The following MYO6 variants were observed in gnomAD, a reference collection of about 807,000 sequenced individuals.
MYO6 encodes unconventional myosin-VI.
A neutral mutation model predicts 178.7 loss-of-function variants in MYO6; 74 were observed. That is an observed-to-expected ratio of 0.41 (90% CI 0.34 to 0.50). The LOEUF is 0.50. Ranked by LOEUF, MYO6 falls within the 20% of genes least tolerant of loss-of-function variation. MYO6 has a pLI of 0.09. For missense variants in MYO6, 1,330 were observed against 1,547.4 expected (o/e 0.86, Z 2.36); for synonymous variants, 477 against 504.6 (o/e 0.95, Z 0.73).
At chr6:75,873,153 A>G in intron 19 of MYO6, 54 bp from the exon 20 acceptor site, 1 of 1,388,838 alleles carries the variant, frequency 7.2e-7, no homozygotes, top group Non-Finnish European at 1.0e-6. Flanking sequence ...TCATAGAAAC[A>G]GAAAACTAAG....
chr6:75,787,720 CTCTCTCTCTCTATA>C (rs1176232143), intron 1 of MYO6, among the ~76,000 whole-genome samples: 572 of 34,342 alleles, frequency 0.017, 2 homozygotes, highest in Non-Finnish European at 0.025. Context: ...CTCTCTCTCT[CTCTCTCTCTCTATA>C]TATATATATA....
chr6:75,901,125 T>G, intron 30 of MYO6, among the ~76,000 whole-genome samples: 1 of 152,192 alleles, frequency 6.6e-6, no homozygotes, highest in East Asian at 1.9e-4. Context: ...CATGCTGTTA[T>G]GGTTACTGTA....
At position 75,770,010 on chromosome 6, in the gene MYO6, TCA is replaced by T. The variant is rs148233212; in HGVS notation, c.-48+20590_-48+20591del. 5.9e-4 allele frequency among the ~76,000 whole-genome samples: 90 copies of T among 152,338 alleles called. No individual in the cohort carries two copies. In the East Asian group the frequency reaches 0.016, roughly 27 times the overall value. On this transcript the variant is annotated intron_variant, in intron 1 of 34. Transcript: ENST00000369977. The stretch of plus-strand genomic sequence containing the variant: ...CTTCTGGAGGGCAGTGGCCCCCTTC[TCA>T]CAGCTCCAGTAGGTGGTGCCCTGGT...
intron 1 of MYO6, among the ~76,000 whole-genome samples, chr6:75,807,981 C>T (rs1324014582): frequency 6.6e-6 from 1 of 152,228 alleles, no homozygotes; most frequent in Non-Finnish European, 1.5e-5. Flanking sequence ...CTCTGACGCT[C>T]TTCCATTTTA....
chr6:75,787,726 CTCTCTATATA>C (rs1165016279), intron 1 of MYO6, among the ~76,000 whole-genome samples: 107 of 20,424 alleles, frequency 5.2e-3, no homozygotes, highest in East Asian at 7.5e-3. Context: ...CTCTCTCTCT[CTCTCTATATA>C]TATATATATA....
Position 75,756,910 on chromosome 6 carries a change from T to TATATAC in MYO6, c.-48+7488_-48+7489insTATACA, listed in dbSNP as rs67653365. ...TTGTGTGTGTATATATATATATATA[T>TATATAC]ACACATATATATACACACCATATAT... is the stretch of plus-strand genomic sequence containing the variant. On this transcript the variant is annotated intron_variant, in intron 1 of 34. Transcript: ENST00000369977. Among the ~76,000 whole-genome samples, 436 of 123,934 alleles carry TATATAC rather than the reference T, an allele frequency of 3.5e-3. 10 individuals carry two copies. The highest frequency in any genetic ancestry group is 6.4e-3 in the Admixed American group (81 of 12,746). The allele number at this position is 123,934 out of a possible 152,430, so 81.3% of individuals were successfully genotyped here.
At chr6:75,874,085 T>C (rs1320279178) in intron 20 of MYO6, among the ~76,000 whole-genome samples, 1 of 152,210 alleles carries the variant, frequency 6.6e-6, no homozygotes, top group Non-Finnish European at 1.5e-5. Flanking sequence ...TTTTGAGAGG[T>C]AGATTTACTA....
intron 1 of MYO6, among the ~76,000 whole-genome samples, chr6:75,758,693 C>T (rs575985960): frequency 6.6e-6 from 1 of 152,222 alleles, no homozygotes; most frequent in East Asian, 1.9e-4. Flanking sequence ...CTCCTGACCT[C>T]GTGATCTGCC....
At chr6:75,890,469 T>C (rs956558741) in intron 26 of MYO6, among the ~76,000 whole-genome samples, 1 of 152,108 alleles carries the variant, frequency 6.6e-6, no homozygotes, top group African/African-American at 2.4e-5. Flanking sequence ...CTCAGCCTCC[T>C]GAGTAGCTGG....
At chr6:75,832,555 G>A (rs762689660) in intron 5 of MYO6, among the ~76,000 whole-genome samples, 1 of 152,076 alleles carries the variant, frequency 6.6e-6, no homozygotes, top group Non-Finnish European at 1.5e-5. Context: ...TCTGGAATTA[G>A]GAAGAGATGA....
At chr6:75,893,266 G>A (rs893620001) in intron 28 of MYO6, among the ~76,000 whole-genome samples, 8 of 152,048 alleles carry the variant, frequency 5.3e-5, no homozygotes, top group African/African-American at 1.9e-4. Flanking sequence ...ATAGTGGAGT[G>A]TATAGGAATG....
intron 1 of MYO6, among the ~76,000 whole-genome samples, chr6:75,764,835 T>C (rs577396755): frequency 1.3e-5 from 2 of 151,832 alleles, no homozygotes; most frequent in African/African-American, 4.8e-5. Context: ...CCGTCTCTAC[T>C]AAAAATACAA....
At chr6:75,817,454 A>G (rs1159713354) in intron 1 of MYO6, 47 bp from the exon 2 acceptor site, 4 of 976,898 alleles carry the variant, frequency 4.1e-6, no homozygotes, top group East Asian at 2.4e-5. Context: ...TGTTTTATAT[A>G]TATTTCAAAA....
chr6:75,750,712 G>A (rs921342933), intron 1 of MYO6, among the ~76,000 whole-genome samples: 4 of 151,642 alleles, frequency 2.6e-5, no homozygotes, highest in Admixed American at 2.6e-4. Flanking sequence ...CCGAGTGGCT[G>A]GGACTACAGT....
intron 32 of MYO6, 125 bp from the exon 33 acceptor site, chr6:75,911,547 C>A: frequency 2.5e-6 from 2 of 804,766 alleles, no homozygotes; most frequent in Non-Finnish European, 2.1e-6. Context: ...GAATATTTGG[C>A]TTGTGGATAG....
chr6:75,861,850 C>T (rs1437331605), intron 15 of MYO6, among the ~76,000 whole-genome samples: 3 of 152,142 alleles, frequency 2.0e-5, no homozygotes, highest in Admixed American at 1.3e-4. Context: ...CCTTTCTAAC[C>T]TCTGAGTCTT....
intron 1 of MYO6, among the ~76,000 whole-genome samples, chr6:75,780,694 A>G (rs1411234240): frequency 1.3e-5 from 2 of 152,206 alleles, no homozygotes; most frequent in African/African-American, 4.8e-5. Flanking sequence ...CATCCCTTCA[A>G]TCAACAAATA....
chr6:75,776,314 G>C (rs897911388), intron 1 of MYO6, among the ~76,000 whole-genome samples: 1 of 152,176 alleles, frequency 6.6e-6, no homozygotes, highest in Non-Finnish European at 1.5e-5. Context: ...AAATTTCTCA[G>C]AGGTGGTAAG....
At chr6:75,825,803 C>G (rs1772407210) in intron 3 of MYO6, among the ~76,000 whole-genome samples, 3 of 151,892 alleles carry the variant, frequency 2.0e-5, no homozygotes, top group African/African-American at 7.3e-5. Context: ...AGTCAGATAT[C>G]TAAATTTAAT....
Sources: allele counts gnomAD v4.1 joint callset (sites outside exome capture counted in the v4.1 genomes callset), GRCh38; gene constraint gnomAD v4.1.1; transcripts MANE v1.5; gene names NCBI Gene and HGNC (gene_info 2026-07-23, HGNC 2026-07-21).